Variants in GK observed in about 807,000 individuals in gnomAD.
GK encodes the protein ATP:glycerol 3-phosphotransferase.
Under a neutral mutation model 56.4 loss-of-function variants are expected in GK, and 9 were observed. The ratio of observed to expected loss-of-function variants is 0.16; its 90% CI spans 0.10 to 0.28. GK has a LOEUF of 0.28. GK is among the 10% of genes least tolerant of loss of function. The pLI is 1.00. For synonymous variants in GK, 104 were observed against 144.1 expected, an observed-to-expected ratio of 0.72 and a Z score of 1.99; for missense variants, 161 against 431.4, an observed-to-expected ratio of 0.37 and a Z score of 5.55.
chrX:30,663,314 T>G (rs1306260252), intron 1 of GK, among the ~76,000 whole-genome samples: 1 of 112,255 alleles, frequency 8.9e-6, no homozygotes, highest in African/African-American at 3.2e-5. Context: ...TCATTTTATC[T>G]GATAATTTTT....
intron 3 of GK, chrX:30,671,747 A>G (rs1012374354): frequency 7.1e-5 from 8 of 112,269 alleles, no homozygotes; most frequent in African/African-American, 2.6e-4. Context: ...AGGCAATTAA[A>G]TAGACTGCTT....
intron 13 of GK, among the ~76,000 whole-genome samples, chrX:30,712,717 C>CTTTT (rs769269247): frequency 2.8e-3 from 135 of 48,396 alleles, no homozygotes; most frequent in African/African-American, 7.7e-3. Context: ...TTTTTCTTTT[C>CTTTT]TTTTTTTTTT....
rs1259977257 is a variant in GK, at chrX:30,730,751, C to T, written c.*2009C>T. ...GGCAGATCACCTGAGGTCAGGAGTT[C>T]GGGACTAGCCTAACCGACATGGAGA... is the stretch of plus-strand genomic sequence containing the variant. On this transcript the variant is annotated 3_prime_UTR_variant, in exon 21 of 21. Coordinates refer to ENST00000427190, the MANE Select transcript of GK (RefSeq NM_001205019.2). 3 of 108,496 alleles carry T rather than the reference C, an allele frequency of 2.8e-5. No homozygotes were observed. The highest frequency in any genetic ancestry group is 5.7e-5 in the Non-Finnish European group (3 of 52,415). The allele number at this position is 108,496 out of a possible 1,213,427, so 8.9% of individuals were successfully genotyped here.
intron 2 of GK, among the ~76,000 whole-genome samples, chrX:30,667,754 G>C (rs756681151): frequency 8.9e-6 from 1 of 112,151 alleles, no homozygotes; most frequent in East Asian, 2.8e-4. Flanking sequence ...TTTAAAATAG[G>C]TAGATATTTG....
rs142417883 is a variant in GK at position 30,691,643 on chromosome X, T to C, written c.414+444T>C. On this transcript the variant is annotated intron_variant, in intron 5 of 20. Transcript: ENST00000427190. ...ACGTGCCACCATGCCCGGCTAATTTTTTGTATTTTTAGTAGAGATGGGGTT... is the reference window on the plus strand; with the variant it reads ...ACGTGCCACCATGCCCGGCTAATTTCTTGTATTTTTAGTAGAGATGGGGTT... Among the ~76,000 whole-genome samples, 1,071 of 109,326 alleles carry C rather than the reference T, an allele frequency of 9.8e-3. 22 individuals are homozygous for C. The highest frequency in any genetic ancestry group is 0.034 in the African/African-American group (1,031 of 30,026). The allele number at this position is 109,326 out of a possible 115,157, so 94.9% of individuals were successfully genotyped here. A position where few individuals can be genotyped will look rare whatever the true frequency, so the allele number is the denominator to read the frequency against.
At chrX:30,658,082 T>C (rs1932433569) in intron 1 of GK, among the ~76,000 whole-genome samples, 1 of 111,761 alleles carries the variant, frequency 8.9e-6, no homozygotes, top group Admixed American at 9.5e-5. Flanking sequence ...ACTAGAATTG[T>C]AGCTCAGTGC....
intron 2 of GK, among the ~76,000 whole-genome samples, chrX:30,665,907 A>G (rs1933048115): frequency 9.0e-6 from 1 of 111,177 alleles, no homozygotes; most frequent in African/African-American, 3.3e-5. Flanking sequence ...TGCTGATTTG[A>G]GTGTCAGGTT....
chrX:30,708,683 A>G (rs1936162275), intron 13 of GK, among the ~76,000 whole-genome samples: 1 of 112,085 alleles, frequency 8.9e-6, no homozygotes, highest in Non-Finnish European at 1.9e-5. Context: ...TGCCAGCCTA[A>G]GCCTATAGGA....
At chrX:30,660,029 G>A (rs998772494) in intron 1 of GK, among the ~76,000 whole-genome samples, 3 of 111,871 alleles carry the variant, frequency 2.7e-5, no homozygotes, top group South Asian at 3.7e-4. Context: ...GATTACAGGC[G>A]TGAGCCACCG....
At chrX:30,714,941 A>T (rs760281754) in intron 13 of GK, among the ~76,000 whole-genome samples, 24 of 111,607 alleles carry the variant, frequency 2.2e-4, no homozygotes, top group Non-Finnish European at 3.8e-4. Context: ...CTCCAATTCA[A>T]CTCTTCCCTT....
chrX:30,705,371 G>A (rs1306757710), intron 11 of GK, among the ~76,000 whole-genome samples: 1 of 112,518 alleles, frequency 8.9e-6, no homozygotes, highest in Non-Finnish European at 1.9e-5. Flanking sequence ...AAAATTATTT[G>A]AACATTAAAT....
At chrX:30,713,275 A>G (rs1015310252) in intron 13 of GK, among the ~76,000 whole-genome samples, 1 of 111,576 alleles carries the variant, frequency 9.0e-6, no homozygotes, top group Admixed American at 9.5e-5. Flanking sequence ...GTTCCCAGCC[A>G]CCACTCCTAC....
At chrX:30,681,871 A>G (rs1229059822) in intron 4 of GK, among the ~76,000 whole-genome samples, 1 of 111,853 alleles carries the variant, frequency 8.9e-6, no homozygotes, top group Non-Finnish European at 1.9e-5. Context: ...ATGAAAGTGA[A>G]ATATACTAGG....
intron 11 of GK, among the ~76,000 whole-genome samples, chrX:30,701,431 A>G (rs1935658202): frequency 8.9e-6 from 1 of 111,838 alleles, no homozygotes; most frequent in Non-Finnish European, 1.9e-5. Flanking sequence ...AATAAACAAA[A>G]CCTTAATTTG....
At chrX:30,725,081 C>T (rs905325664) in intron 19 of GK, among the ~76,000 whole-genome samples, 5 of 110,478 alleles carry the variant, frequency 4.5e-5, no homozygotes, top group Non-Finnish European at 9.5e-5. Context: ...CGGGGTTTCA[C>T]CATGTTGGCC....
intron 4 of GK, among the ~76,000 whole-genome samples, chrX:30,690,836 G>A (rs1934892235): frequency 9.0e-6 from 1 of 111,515 alleles, no homozygotes; most frequent in Non-Finnish European, 1.9e-5. Flanking sequence ...AATATTTTTT[G>A]TAGTTTTGTT....
In GK at chrX:30,700,248, A is replaced by G. The variant is rs188636126; in HGVS notation, c.748-166A>G. ...CATCTCTTCCTGTCATTCTAGGAAT[A>G]CTTGTAGTATCTGTCTCTTTATCAT... On this transcript the variant is annotated intron_variant, in intron 9 of 20. Coordinates refer to ENST00000427190, the MANE Select transcript of GK (RefSeq NM_001205019.2). The G allele has an allele frequency of 1.6e-4, 66 of 424,032 alleles. 1 individual carries two copies. In the Admixed American group the frequency reaches 1.8e-3, roughly 11 times the overall value. 34.9% of individuals were successfully genotyped at this position (424,032 alleles called of 1,213,427 possible).
chrX:30,711,485 C>T (rs907633614), intron 13 of GK, among the ~76,000 whole-genome samples: 1 of 111,461 alleles, frequency 9.0e-6, no homozygotes, highest in South Asian at 3.7e-4. Context: ...CTGGAAAGTT[C>T]TCAGCAATTA....
At chrX:30,715,226 T>G (rs1350100512) in intron 13 of GK, among the ~76,000 whole-genome samples, 2 of 112,085 alleles carry the variant, frequency 1.8e-5, no homozygotes, top group Non-Finnish European at 3.8e-5. Context: ...TTATACTGTT[T>G]GTGGCAGTGG....
Sources: gnomAD v4.1 joint callset for allele counts (sites outside exome capture counted in the v4.1 genomes callset) on GRCh38, gnomAD v4.1.1 for gene constraint, MANE v1.5 for transcripts, NCBI Gene and HGNC (gene_info 2026-07-23, HGNC 2026-07-21) for gene names.